Variants in LANCL1 observed in about 807,000 individuals in gnomAD.
LANCL1 encodes glutathione S-transferase LANCL1.
LANCL1 carries 50 observed loss-of-function variants against 50.6 expected under a neutral mutation model. The ratio of observed to expected loss-of-function variants is 0.99; its 90% CI spans 0.79 to 1.25. LANCL1 has a LOEUF of 1.25. LANCL1 is among the 50% of genes most tolerant of loss of function. LANCL1 has a pLI of 0.00. For missense variants in LANCL1, 532 were observed against 480.7 expected (o/e 1.11, Z -1.00); for synonymous variants, 188 against 178.6 (o/e 1.05, Z -0.42).
chr2:210,436,774 GAGA>G (rs1208980804), intron 7 of LANCL1, among the ~76,000 whole-genome samples: 5 of 152,134 alleles, frequency 3.3e-5, no homozygotes, highest in African/African-American at 1.2e-4. Flanking sequence ...TTACACACTG[GAGA>G]AGAACAACTG....
intron 3 of LANCL1, among the ~76,000 whole-genome samples, chr2:210,467,633 G>A (rs1694105782): frequency 6.6e-6 from 1 of 152,160 alleles, no homozygotes; most frequent in Admixed American, 6.5e-5. Flanking sequence ...TCAACAGCAA[G>A]CTATTAGTAG....
chr2:210,441,533 G>A (rs1438252009), intron 4 of LANCL1, 90 bp from the exon 5 acceptor site: 5 of 1,029,812 alleles, frequency 4.9e-6, no homozygotes, highest in Non-Finnish European at 7.2e-6. Context: ...AAATATACAT[G>A]CACACAAAAT....
chr2:210,437,766 C>T lies in LANCL1; in HGVS notation c.797G>A (p.Gly266Asp), dbSNP rs757358006. ...ATGGACAAGCAGATCTCGATTATCA[C>T]CTATACATGGAGGGTAATTGCCAGA... ...FPSGNYPPCI[G>D]DNRDLLVHWC... is the part of the protein sequence containing the mutation. The change falls in exon 7 of 10, where the codon GGT (glycine) becomes GAT (aspartate). Residue 266 changes from glycine to aspartate, a missense_variant. Gly to Asp is a moderately conservative substitution (Grantham distance 94). Transcript: ENST00000450366. The T allele has an allele frequency of 9.9e-6, 16 of 1,613,094 alleles. No homozygotes were observed. Among genetic ancestry groups the T allele is most frequent in the Non-Finnish European group, 1.4e-5 (16 of 1,179,600 alleles).
chr2:210,440,874 G>C (rs1005190328), intron 5 of LANCL1, 130 bp from the exon 6 acceptor site: 7 of 775,642 alleles, frequency 9.0e-6, no homozygotes, highest in Non-Finnish European at 1.4e-5. Context: ...GCCAGGGAAA[G>C]GCACAGTTTA....
At chr2:210,476,844 C>T (rs1694400073), upstream of LANCL1, 3 of 986,890 alleles carry the variant, frequency 3.0e-6, no homozygotes, top group African/African-American at 5.2e-5. Flanking sequence ...GTTAAAGACA[C>T]AGGCGTGTAA....
intron 3 of LANCL1, 89 bp downstream of exon 3, chr2:210,471,870 G>A (rs1406793893): frequency 3.3e-6 from 3 of 914,040 alleles, no homozygotes; most frequent in African/African-American, 3.3e-5. Flanking sequence ...AAGCATTTAA[G>A]GGTGTACCAT....
rs918810508 is a variant in LANCL1 at position 210,432,382 on chromosome 2, A to T, written c.*2105T>A. On this transcript the variant is annotated 3_prime_UTR_variant, in exon 10 of 10. Transcript: ENST00000450366. Reference sequence around the variant, plus strand: ...CTAACCCATTTATGCTGGGGGTTGCAATTTTTTGTGTGAAAAATCAGACCT... The same window carrying T: ...CTAACCCATTTATGCTGGGGGTTGCTATTTTTTGTGTGAAAAATCAGACCT... The T allele has an allele frequency of 1.3e-5, 2 of 152,188 alleles. No homozygotes were observed. Among genetic ancestry groups the T allele is most frequent in the African/African-American group, 2.4e-5 (1 of 41,466 alleles). The allele number at this position is 152,188 out of a possible 1,614,324, so 9.4% of individuals were successfully genotyped here.
chr2:210,431,412 G>A lies in LANCL1; in HGVS notation c.*3075C>T, dbSNP rs1406643428. ...TGCTTTATAATTAGAGAAACAGTTC[G>A]TCTACAGCTCAATAGTAGAGAAAAC... On this transcript the variant is annotated 3_prime_UTR_variant, in exon 10 of 10. Transcript: ENST00000450366. 3.9e-5 allele frequency: 6 copies of A among 152,258 alleles called. No homozygotes were observed. The highest frequency in any genetic ancestry group is 2.1e-4 in the South Asian group (1 of 4,826). The allele number at this position is 152,258 out of a possible 1,614,324, so 9.4% of individuals were successfully genotyped here.
At position 210,440,628 on chromosome 2, in the gene LANCL1, G is replaced by A; in HGVS notation, c.660C>T (p.Gly220=). ...YQEYYVGAAH[G]LAGIYYYLMQ... ...TCAGGTAGTAATAAATTCCAGCCAG[G>A]CCATGAGCAGCCCCTACATAATATT... is the stretch of plus-strand genomic sequence containing the variant. Residue 220 remains glycine (G), a synonymous_variant, in exon 6 of 10, where the codon GGC becomes GGT. Transcript: ENST00000450366. 1 of 1,613,304 alleles carries A rather than the reference G, an allele frequency of 6.2e-7. No homozygotes were observed. The highest frequency in any genetic ancestry group is 8.5e-7 in the Non-Finnish European group (1 of 1,179,744).
intron 3 of LANCL1, among the ~76,000 whole-genome samples, chr2:210,458,768 A>G (rs1663513307): frequency 1.3e-5 from 2 of 152,218 alleles, no homozygotes; most frequent in Non-Finnish European, 1.5e-5. Context: ...AGTTGTATCC[A>G]TTAATAAATT....
intron 4 of LANCL1, among the ~76,000 whole-genome samples, chr2:210,443,039 C>T (rs1035567517): frequency 6.6e-6 from 1 of 152,160 alleles, no homozygotes; most frequent in Non-Finnish European, 1.5e-5. Flanking sequence ...GCCCCCATTG[C>T]TTTACTTCTC....
At position 210,447,819 on chromosome 2, in the gene LANCL1, A is replaced by T. The variant is rs145069835; in HGVS notation, c.408-6376T>A. Among the ~76,000 whole-genome samples, 1,014 of 152,320 alleles carry T rather than the reference A, an allele frequency of 6.7e-3. 51 individuals carry two copies. In the East Asian group the frequency reaches 0.14, roughly 21 times the overall value. On this transcript the variant is annotated intron_variant, in intron 4 of 9. Coordinates refer to ENST00000450366, the MANE Select transcript of LANCL1 (RefSeq NM_006055.3). Reference sequence around the variant, plus strand: ...AAGAAGAGCTGAATATCCTAAATGTATATGCACCCAATACAGGAGCACCCA... The same window carrying T: ...AAGAAGAGCTGAATATCCTAAATGTTTATGCACCCAATACAGGAGCACCCA...
chr2:210,447,328 C>T (rs1693374063), intron 4 of LANCL1, among the ~76,000 whole-genome samples: 4 of 152,094 alleles, frequency 2.6e-5, no homozygotes, highest in Admixed American at 2.6e-4. Flanking sequence ...CATCACCAGG[C>T]CTGCCTTACA....
chr2:210,461,431 G>A (rs1343593051), intron 3 of LANCL1, among the ~76,000 whole-genome samples: 1 of 152,084 alleles, frequency 6.6e-6, no homozygotes, highest in African/African-American at 2.4e-5. Flanking sequence ...GCAAAGAGAA[G>A]ACACCTGGCC....
intron 3 of LANCL1, chr2:210,468,976 T>C (rs1243472021): frequency 1.3e-5 from 2 of 152,222 alleles, no homozygotes; most frequent in Non-Finnish European, 2.9e-5. Flanking sequence ...TATCAGCCCA[T>C]ACGTATACTG....
At chr2:210,468,843 G>C (rs1694146669) in intron 3 of LANCL1, 1 of 152,130 alleles carries the variant, frequency 6.6e-6, no homozygotes, top group South Asian at 2.1e-4. Flanking sequence ...ACTCTTTCTG[G>C]CCTTCTTTTA....
rs566984930 is a variant in LANCL1, at chr2:210,437,758, G to C, written c.805C>G (p.Arg269Gly). 3.7e-6 allele frequency: 6 copies of C among 1,612,546 alleles called. No homozygotes were observed. The highest frequency in any genetic ancestry group is 1.6e-4 in the Middle Eastern group (1 of 6,078). The change falls in exon 7 of 10, where the codon CGA becomes GGA. Residue 269 changes from arginine (R) to glycine (G), a missense_variant. Transcript: ENST00000450366. ...GNYPPCIGDN[R>G]DLLVHWCHGA... ...TGGCACCAATGGACAAGCAGATCTC[G>C]ATTATCACCTATACATGGAGGGTAA...
At chr2:210,469,298 G>A (rs1392527648) in intron 3 of LANCL1, 1 of 152,164 alleles carries the variant, frequency 6.6e-6, no homozygotes, top group African/African-American at 2.4e-5. Context: ...TTAACACTGT[G>A]ATTTTATGGG....
rs1481027644 is a variant in LANCL1 at position 210,431,327 on chromosome 2, C to A, written c.*3160G>T. The A allele has an allele frequency of 6.6e-6, 1 of 152,158 alleles. No individual in the cohort carries two copies. Among genetic ancestry groups the A allele is most frequent in the African/African-American group, 2.4e-5 (1 of 41,434 alleles). 9.4% of individuals were successfully genotyped at this position (152,158 alleles called of 1,614,324 possible). ...AACATAGAAATACATATGATCCCAG[C>A]CTTTCCCATTAAATGACAACATAAC... On this transcript the variant is annotated 3_prime_UTR_variant, in exon 10 of 10. Transcript: ENST00000450366.
Sources: gnomAD v4.1 joint callset for allele counts (sites outside exome capture counted in the v4.1 genomes callset) on GRCh38, gnomAD v4.1.1 for gene constraint, MANE v1.5 for transcripts, NCBI Gene and HGNC (gene_info 2026-07-23, HGNC 2026-07-21) for gene names.